BUB1B: variants seen among roughly 807,000 people sequenced by gnomAD.
The protein encoded by BUB1B is mitotic checkpoint serine/threonine-protein kinase BUB1 beta.
Under a neutral mutation model 137.7 loss-of-function variants are expected in BUB1B, and 86 were observed. The ratio of observed to expected loss-of-function variants is 0.62; its 90% CI spans 0.52 to 0.75. BUB1B has a LOEUF of 0.75. Ranked by LOEUF, BUB1B falls within the 30% of genes least tolerant of loss-of-function variation. The pLI, the probability that BUB1B is intolerant of heterozygous loss-of-function variation, is 0.00. For synonymous variants in BUB1B, 420 were observed against 417.9 expected (o/e 1.00, Z -0.06); for missense variants, 1,130 against 1,236.9 (o/e 0.91, Z 1.30).
intron 5 of BUB1B, among the ~76,000 whole-genome samples, chr15:40,180,251 C>CTTTTTTTTTTTTTTTTTTTTTTTT (rs34300396): frequency 2.2e-5 from 2 of 90,508 alleles, no homozygotes; most frequent in African/African-American, 8.8e-5. Flanking sequence ...CGTTTCGTTT[C>CTTTTTTTTTTTTTTTTTTTTTTTT]TTTTTTTTTT....
chr15:40,202,720 T>C (rs1173655568), intron 14 of BUB1B, 26 bp downstream of exon 14: 5 of 1,564,650 alleles, frequency 3.2e-6, no homozygotes, highest in East Asian at 2.2e-5. Flanking sequence ...CTTAAGTTAA[T>C]GTAAATGGGC....
At chr15:40,216,123 A>C (rs7164783) in intron 20 of BUB1B, among the ~76,000 whole-genome samples, 71,991 of 151,724 alleles carry the variant, frequency 0.47, 17,851 homozygotes, top group Non-Finnish European at 0.56. Flanking sequence ...TTTTTTCCCT[A>C]TGCCTCCAAA....
Position 40,200,270 on chromosome 15 carries a change from G to A in BUB1B, c.1428G>A (p.Glu476=). ...DQQEETMPTK[E]TTKLQIASES... The stretch of plus-strand genomic sequence containing the variant: ...AAGAAGAGACGATGCCTACAAAGGA[G>A]ACAACTAAACTGCAAATTGCTTCCG... The change falls in exon 11 of 23, where the codon GAG becomes GAA. Residue 476 remains glutamate, a synonymous_variant. Coordinates refer to ENST00000287598, the MANE Select transcript of BUB1B (RefSeq NM_001211.6). The A allele has an allele frequency of 6.2e-7, 1 of 1,613,726 alleles. No individual in the cohort carries two copies. The highest frequency in any genetic ancestry group is 8.5e-7 in the Non-Finnish European group (1 of 1,179,728).
intron 10 of BUB1B, 175 bp from the exon 11 acceptor site, chr15:40,200,069 A>G (rs979717094): frequency 6.0e-6 from 4 of 664,212 alleles, no homozygotes; most frequent in Non-Finnish European, 1.1e-5. Flanking sequence ...AGTTGAGTAC[A>G]ACAGTACTGG....
chr15:40,189,961 T>A (rs895861009), intron 8 of BUB1B, among the ~76,000 whole-genome samples: 1 of 152,242 alleles, frequency 6.6e-6, no homozygotes, highest in African/African-American at 2.4e-5. Flanking sequence ...TGACTAATGA[T>A]GTTGAGCCTA....
chr15:40,218,598 C>T, intron 22 of BUB1B, 36 bp downstream of exon 22: 1 of 1,483,336 alleles, frequency 6.7e-7, no homozygotes, highest in Non-Finnish European at 9.4e-7. Context: ...TCTGCCTGTC[C>T]CAATAATTTT....
chr15:40,192,273 C>G (rs1223663190), intron 8 of BUB1B, among the ~76,000 whole-genome samples: 1 of 152,120 alleles, frequency 6.6e-6, no homozygotes, highest in African/African-American at 2.4e-5. Context: ...GTAGAAAGTA[C>G]AGAGAGTTCC....
chr15:40,217,317 C>T (rs2037807277), intron 20 of BUB1B, 179 bp from the exon 21 acceptor site: 12 of 643,026 alleles, frequency 1.9e-5, no homozygotes, highest in East Asian at 5.5e-5. Context: ...ACATTCCTTC[C>T]GCATTGGGTG....
chr15:40,205,386 A>G (rs1228671798), intron 14 of BUB1B, among the ~76,000 whole-genome samples: 1 of 152,194 alleles, frequency 6.6e-6, no homozygotes, highest in East Asian at 1.9e-4. Flanking sequence ...GGTTAAATCA[A>G]ATAGGCACTA....
intron 11 of BUB1B, 102 bp downstream of exon 11, chr15:40,200,461 G>A (rs1453745321): frequency 1.1e-5 from 9 of 818,064 alleles, no homozygotes; most frequent in Non-Finnish European, 1.6e-5. Flanking sequence ...TTACAGTATC[G>A]AGACATGGTT....
chr15:40,180,649 T>C (rs1379829783), intron 5 of BUB1B, among the ~76,000 whole-genome samples: 75 of 121,930 alleles, frequency 6.2e-4, no homozygotes, highest in East Asian at 2.7e-3. Context: ...TTTCTTTTTT[T>C]TTTTTTTTTT....
rs2037894461 is a variant in BUB1B at position 40,220,816 on chromosome 15, C to T, written c.*57C>T. The T allele has an allele frequency of 6.5e-7, 1 of 1,532,458 alleles. No individual in the cohort carries two copies. The highest frequency in any genetic ancestry group is 9.0e-7 in the Non-Finnish European group (1 of 1,106,138). 94.9% of individuals were successfully genotyped at this position (1,532,458 alleles called of 1,614,324 possible). A position where few individuals can be genotyped will look rare whatever the true frequency, so the allele number is the denominator to read the frequency against. On this transcript the variant is annotated 3_prime_UTR_variant, in exon 23 of 23. Coordinates refer to ENST00000287598, the MANE Select transcript of BUB1B (RefSeq NM_001211.6). The stretch of plus-strand genomic sequence containing the variant: ...TCAGAGCAATGGTTGTATTGTGGAA[C>T]ACTGAAACTGTATGTGCTGTAATTT...
chr15:40,212,480 A>T lies in BUB1B; in HGVS notation c.2386-19A>T. 1 of 1,605,544 alleles carries T rather than the reference A, an allele frequency of 6.2e-7. No homozygotes were observed. Among genetic ancestry groups the T allele is most frequent in the African/African-American group, 1.3e-5 (1 of 74,898 alleles). On this transcript the variant is annotated intron_variant, in intron 18 of 22. Transcript: ENST00000287598. ...CATAGACTTAACTGAACTTATTTTT[A>T]AAATACAATGTCTTACAGGTATCTT...
Position 40,196,786 on chromosome 15 carries a change from T to C in BUB1B, c.1288+12T>C, listed in dbSNP as rs994138926. 1 of 1,612,720 alleles carries C rather than the reference T, an allele frequency of 6.2e-7. No homozygotes were observed. Among genetic ancestry groups the C allele is most frequent in the Non-Finnish European group, 8.5e-7 (1 of 1,178,786 alleles). ...AGAGCAAAGGGAAGGTGTGTGTAAT[T>C]CAAGTTTGTGAAGAGGACTTAACTT... is the stretch of plus-strand genomic sequence containing the variant. On this transcript the variant is annotated intron_variant, in intron 9 of 22. Coordinates refer to ENST00000287598, the MANE Select transcript of BUB1B (RefSeq NM_001211.6).
chr15:40,161,704 G>C (rs1255346894), intron 1 of BUB1B, among the ~76,000 whole-genome samples: 1 of 152,180 alleles, frequency 6.6e-6, no homozygotes, highest in Admixed American at 6.5e-5. Context: ...ATAGCACAGA[G>C]ATCTGAAAGC....
At position 40,186,916 on chromosome 15, in the gene BUB1B, T is replaced by C. The variant is rs77620489; in HGVS notation, c.1058+1274T>C. On this transcript the variant is annotated intron_variant, in intron 8 of 22. Coordinates refer to ENST00000287598, the MANE Select transcript of BUB1B (RefSeq NM_001211.6). ...GCTATTTTTTTTCTTTTTTTTTTTT[T>C]CTTTTTAAACAGAGTCTTGCTCTGT... The C allele has an allele frequency of 1.5e-4, 23 of 151,896 alleles. No homozygotes were observed. In the East Asian group the frequency reaches 4.3e-3, roughly 28 times the overall value. The allele number at this position is 151,896 out of a possible 1,614,324, so 9.4% of individuals were successfully genotyped here.
chr15:40,206,048 C>A, intron 14 of BUB1B, 136 bp from the exon 15 acceptor site: 1 of 871,208 alleles, frequency 1.1e-6, no homozygotes, highest in East Asian at 2.7e-5. Flanking sequence ...GATATAAAAA[C>A]CTTTTTATAT....
intron 18 of BUB1B, among the ~76,000 whole-genome samples, chr15:40,211,131 C>G (rs2037705277): frequency 6.6e-6 from 1 of 151,986 alleles, no homozygotes; most frequent in Admixed American, 6.6e-5. Context: ...CCTATATTCT[C>G]TCTTTGTCTT....
At chr15:40,204,270 GT>G (rs2037609969) in intron 14 of BUB1B, among the ~76,000 whole-genome samples, 1 of 152,048 alleles carries the variant, frequency 6.6e-6, no homozygotes, top group African/African-American at 2.4e-5. Flanking sequence ...GCTACAGTTA[GT>G]CTACTGACTG....
Sources: gnomAD v4.1 joint callset for allele counts (sites outside exome capture counted in the v4.1 genomes callset) on GRCh38, gnomAD v4.1.1 for gene constraint, MANE v1.5 for transcripts, NCBI Gene and HGNC (gene_info 2026-07-23, HGNC 2026-07-21) for gene names.